The following INPP5F variants were observed in gnomAD, a reference collection of about 807,000 sequenced individuals.
The protein encoded by INPP5F is phosphatidylinositide 4-phosphatase SAC2.
Under a neutral mutation model 137.2 loss-of-function variants are expected in INPP5F, and 97 were observed. The ratio of observed to expected loss-of-function variants is 0.71; its 90% CI spans 0.60 to 0.84. The LOEUF is 0.84. INPP5F is among the 40% of genes least tolerant of loss of function. The probability of loss-of-function intolerance (pLI) is 0.00; values close to 1 mark genes in which losing one functional copy is unlikely to be tolerated. For missense variants in INPP5F, 1,271 were observed against 1,371.9 expected, an observed-to-expected ratio of 0.93 and a Z score of 1.16; for synonymous variants, 504 against 476.9, an observed-to-expected ratio of 1.06 and a Z score of -0.74.
chr10:119,801,571 T>C (rs1850594943), intron 9 of INPP5F, among the ~76,000 whole-genome samples: 1 of 152,104 alleles, frequency 6.6e-6, no homozygotes, highest in Admixed American at 6.5e-5. Flanking sequence ...AGAGCCTGTC[T>C]GTACAAAAAA....
chr10:119,823,944 C>A, intron 19 of INPP5F, 42 bp downstream of exon 19: 1 of 1,422,838 alleles, frequency 7.0e-7, no homozygotes, highest in Non-Finnish European at 9.9e-7. Context: ...CATTCTTATC[C>A]AAGGTCTTAT....
In INPP5F at chr10:119,806,359, G is replaced by A. The variant is rs1194172152; in HGVS notation, c.1320-1G>A. On this transcript the variant is annotated splice_acceptor_variant, in intron 11 of 19. Transcript: ENST00000650623. LOFTEE classifies it high-confidence loss of function. The stretch of plus-strand genomic sequence containing the variant: ...AATAATTCTGTATTATTTTTAAAAA[G>A]GGTTGATGAAGCTGGGGTAATATGT... 1 of 1,530,726 alleles carries A rather than the reference G, an allele frequency of 6.5e-7. No individual in the cohort carries two copies. The highest frequency in any genetic ancestry group is 2.4e-5 in the East Asian group (1 of 41,892). The allele number at this position is 1,530,726 out of a possible 1,614,324, so 94.8% of individuals were successfully genotyped here.
rs139389289 is a variant in INPP5F at position 119,800,697 on chromosome 10, A to G, written c.1116+2087A>G. Among the ~76,000 whole-genome samples, 392 of 152,296 alleles carry G rather than the reference A, an allele frequency of 2.6e-3. 3 individuals are homozygous for G. Among genetic ancestry groups the G allele is most frequent in the Non-Finnish European group, 3.9e-3 (264 of 68,032 alleles). Reference sequence around the variant, plus strand: ...CTCCACTTCATTAGCTGTCAGGGAAATGCAAATTAAAGCCGCTACTCAACA... The same window carrying G: ...CTCCACTTCATTAGCTGTCAGGGAAGTGCAAATTAAAGCCGCTACTCAACA... On this transcript the variant is annotated intron_variant, in intron 9 of 19. Coordinates refer to ENST00000650623, the MANE Select transcript of INPP5F (RefSeq NM_014937.4).
At chr10:119,767,111 A>AAAAAAAAAC (rs1849191380) in intron 2 of INPP5F, among the ~76,000 whole-genome samples, 1 of 146,820 alleles carries the variant, frequency 6.8e-6, no homozygotes, top group South Asian at 2.1e-4. Context: ...TCTCCAGAAA[A>AAAAAAAAAC]AAAAAAAAAA....
chr10:119,816,950 T>C (rs1851303755), intron 15 of INPP5F, among the ~76,000 whole-genome samples: 1 of 152,218 alleles, frequency 6.6e-6, no homozygotes, highest in South Asian at 2.1e-4. Flanking sequence ...TTTTAGGACA[T>C]TTTCATCACC....
At chr10:119,806,783 T>G (rs1850809131) in intron 12 of INPP5F, among the ~76,000 whole-genome samples, 1 of 152,028 alleles carries the variant, frequency 6.6e-6, no homozygotes, top group Non-Finnish European at 1.5e-5. Context: ...CTTCTGTGTT[T>G]GGGGCTGGAA....
At chr10:119,734,215 T>G (rs1248839530) in intron 1 of INPP5F, among the ~76,000 whole-genome samples, 2 of 152,190 alleles carry the variant, frequency 1.3e-5, no homozygotes, top group Non-Finnish European at 2.9e-5. Context: ...CAGAGAAGGT[T>G]GTTGTTGCTA....
chr10:119,795,444 G>C (rs1487101298), intron 6 of INPP5F, among the ~76,000 whole-genome samples: 1 of 151,230 alleles, frequency 6.6e-6, no homozygotes, highest in Non-Finnish European at 1.5e-5. Context: ...CAGATGGGGC[G>C]GCAGGGCAGA....
intron 3 of INPP5F, among the ~76,000 whole-genome samples, chr10:119,785,516 C>A (rs1849864591): frequency 7.7e-6 from 1 of 130,656 alleles, no homozygotes. Flanking sequence ...GTCTTGATCT[C>A]CTGACCTTGT....
At position 119,792,177 on chromosome 10, in the gene INPP5F, GAATA is replaced by G. The variant is rs774058662; in HGVS notation, c.638_641del (p.Lys213ThrfsTer2). 3 of 1,613,914 alleles carry G rather than the reference GAATA, an allele frequency of 1.9e-6. No homozygotes were observed. The highest frequency in any genetic ancestry group is 3.3e-5 in the Admixed American group (2 of 60,004). On this transcript the variant is annotated frameshift_variant, in exon 6 of 20. Coordinates refer to ENST00000650623, the MANE Select transcript of INPP5F (RefSeq NM_014937.4). LOFTEE classifies it high-confidence loss of function. ...TCTAGGTTGATGACCGATTTTTTTG[GAATA>G]AATACATGATACAAGATCTTACTGA...
chr10:119,815,008 G>A (rs1482255590), intron 15 of INPP5F, among the ~76,000 whole-genome samples: 1 of 152,058 alleles, frequency 6.6e-6, no homozygotes, highest in East Asian at 1.9e-4. Flanking sequence ...TGGGACTATA[G>A]GCACCTGACA....
chr10:119,771,037 T>C (rs1361602012), intron 2 of INPP5F, among the ~76,000 whole-genome samples: 1 of 152,192 alleles, frequency 6.6e-6, no homozygotes, highest in African/African-American at 2.4e-5. Context: ...CATTTACCAC[T>C]CTCTAATTCC....
intron 12 of INPP5F, among the ~76,000 whole-genome samples, chr10:119,806,785 G>A (rs1009518819): frequency 2.0e-5 from 3 of 152,044 alleles, no homozygotes; most frequent in African/African-American, 7.2e-5. Flanking sequence ...TCTGTGTTTG[G>A]GGCTGGAAGT....
At chr10:119,788,974 C>A (rs558168804) in intron 3 of INPP5F, among the ~76,000 whole-genome samples, 3 of 152,104 alleles carry the variant, frequency 2.0e-5, no homozygotes, top group Non-Finnish European at 2.9e-5. Context: ...GCCTATAATC[C>A]CAGCACTTCG....
At chr10:119,798,440 G>C in intron 8 of INPP5F, 103 bp from the exon 9 acceptor site, 1 of 746,686 alleles carries the variant, frequency 1.3e-6, no homozygotes, top group Non-Finnish European at 2.2e-6. Context: ...TAGTTCATTT[G>C]GGCTGTCAAT....
chr10:119,810,436 A>G (rs1850984394), intron 14 of INPP5F, among the ~76,000 whole-genome samples: 1 of 152,330 alleles, frequency 6.6e-6, no homozygotes. Context: ...TTTTCCATGC[A>G]TATTTGTCAG....
At position 119,806,396 on chromosome 10, in the gene INPP5F, G is replaced by T; in HGVS notation, c.1356G>T (p.Gly452=). ...CTGGGGTAATATGTAAGCAGGAAGG[G>T]ATTTTTCGTGTTAATTGTATGGACT... ...DEAGVICKQE[G]IFRVNCMDCL... is the part of the protein sequence containing the mutation. The change falls in exon 12 of 20, where the codon GGG becomes GGT. Residue 452 remains glycine, a synonymous_variant. Transcript: ENST00000650623. 1 of 1,601,682 alleles carries T rather than the reference G, an allele frequency of 6.2e-7. No individual in the cohort carries two copies. The highest frequency in any genetic ancestry group is 2.2e-5 in the East Asian group (1 of 44,646).
At chr10:119,761,919 TATC>T (rs1277469960) in intron 2 of INPP5F, among the ~76,000 whole-genome samples, 3 of 152,230 alleles carry the variant, frequency 2.0e-5, no homozygotes, top group Non-Finnish European at 4.4e-5. Context: ...AGCATGTTAA[TATC>T]ATAGTTCAGT....
chr10:119,819,217 G>GTTT (rs1851433165), intron 15 of INPP5F: 1 of 169,014 alleles, frequency 5.9e-6, no homozygotes, highest in Non-Finnish European at 8.9e-6. Flanking sequence ...TATTGAACGT[G>GTTT]CTTTTTTTTT....
Sources: gnomAD v4.1 joint callset for allele counts (sites outside exome capture counted in the v4.1 genomes callset) on GRCh38, gnomAD v4.1.1 for gene constraint, MANE v1.5 for transcripts, NCBI Gene and HGNC (gene_info 2026-07-23, HGNC 2026-07-21) for gene names.